Variants in COL21A1 observed in about 807,000 individuals in gnomAD.
The protein encoded by COL21A1 is collagen alpha-1(XXI) chain.
Under a neutral mutation model 137.9 loss-of-function variants are expected in COL21A1, and 149 were observed. The observed-to-expected ratio is 1.08, with a 90% CI of 0.95 to 1.24. The LOEUF is 1.24. Ranked by LOEUF, COL21A1 falls within the 50% of genes most tolerant of loss-of-function variation. The pLI, the probability that COL21A1 is intolerant of heterozygous loss-of-function variation, is 0.00. For missense variants in COL21A1, 1,167 were observed against 1,158.4 expected, an observed-to-expected ratio of 1.01 and a Z score of -0.11; for synonymous variants, 456 against 391.5, an observed-to-expected ratio of 1.16 and a Z score of -1.95.
chr6:56,280,770 T>C (rs149279431), intron 1 of COL21A1, among the ~76,000 whole-genome samples: 394 of 152,212 alleles, frequency 2.6e-3, no homozygotes, highest in South Asian at 4.4e-3. Flanking sequence ...CCTAACACTT[T>C]GGGAGGTCAA....
At chr6:56,101,387 T>C in intron 17 of COL21A1, 85 bp downstream of exon 17, 1 of 1,027,096 alleles carries the variant, frequency 9.7e-7, no homozygotes, top group Non-Finnish European at 1.5e-6. Context: ...ATAGGGCATC[T>C]GAGAGAAGAA....
In COL21A1 at chr6:56,057,747, C is replaced by T. The variant is rs763757346; in HGVS notation, c.2784G>A (p.Gly928=). The change falls in exon 30 of 30, where the codon GGG becomes GGA. Residue 928 remains glycine, a synonymous_variant. Transcript: ENST00000244728. The part of the protein sequence containing the change: ...DGDHGKPGIQ[G]QPGPPGICDP... ...CGCAGATGCCTGGGGGGCCTGGTTG[C>T]CCTTGGATTCCAGGTTTTCCATGGT... 2.5e-6 allele frequency: 4 copies of T among 1,612,120 alleles called. No individual in the cohort carries two copies. Among genetic ancestry groups the T allele is most frequent in the Middle Eastern group, 3.3e-4 (2 of 5,990 alleles).
At chr6:56,365,213 A>G (rs1766069616) in intron 1 of COL21A1, among the ~76,000 whole-genome samples, 1 of 152,164 alleles carries the variant, frequency 6.6e-6, no homozygotes, top group African/African-American at 2.4e-5. Flanking sequence ...ATAGCTATCT[A>G]CACTTGACCA....
chr6:56,130,552 G>T (rs1270386889), intron 12 of COL21A1, among the ~76,000 whole-genome samples: 1 of 151,968 alleles, frequency 6.6e-6, no homozygotes, highest in African/African-American at 2.4e-5. Context: ...CCATTCTCTG[G>T]CTATAGGTTA....
At chr6:56,367,955 C>G (rs1006904055) in intron 1 of COL21A1, among the ~76,000 whole-genome samples, 2 of 152,216 alleles carry the variant, frequency 1.3e-5, no homozygotes, top group African/African-American at 4.8e-5. Flanking sequence ...CTAAAGTGAT[C>G]TGCCCACCTT....
intron 1 of COL21A1, among the ~76,000 whole-genome samples, chr6:56,375,440 C>A (rs538580418): frequency 4.6e-5 from 7 of 152,286 alleles, no homozygotes; most frequent in Non-Finnish European, 2.9e-5. Flanking sequence ...ATTTTCCCTG[C>A]CTCCTTCCTG....
intron 17 of COL21A1, chr6:56,078,098 C>T (rs141018843): frequency 4.4e-6 from 2 of 455,696 alleles, no homozygotes; most frequent in South Asian, 3.1e-5. Context: ...CTTACTGATG[C>T]AATCATGAAG....
chr6:56,350,682 G>A (rs1297489679), intron 1 of COL21A1, among the ~76,000 whole-genome samples: 1 of 152,182 alleles, frequency 6.6e-6, no homozygotes, highest in Non-Finnish European at 1.5e-5. Context: ...AATAGAAGAA[G>A]AAGATATAAG....
At chr6:56,297,507 T>C (rs1764190272) in intron 1 of COL21A1, among the ~76,000 whole-genome samples, 1 of 152,114 alleles carries the variant, frequency 6.6e-6, no homozygotes, top group Non-Finnish European at 1.5e-5. Flanking sequence ...TCTGGCATAT[T>C]GTGAAACAAT....
At chr6:56,075,035 GC>G (rs1767093265) in intron 19 of COL21A1, among the ~76,000 whole-genome samples, 1 of 151,048 alleles carries the variant, frequency 6.6e-6, no homozygotes. Context: ...AGTTTCATAT[GC>G]CATCTTCACT....
rs540054045 is a variant in COL21A1 at position 56,198,118 on chromosome 6, C to T, written c.-38-15462G>A. Among the ~76,000 whole-genome samples, 38 of 151,988 alleles carry T rather than the reference C, an allele frequency of 2.5e-4. No homozygotes were observed. In the East Asian group the frequency reaches 5.8e-3, roughly 23 times the overall value. ...CAGTGAGCTAAGTGAATAAGCCATACGCAGAAAGACAAATACTGCATGATC... is the reference window on the plus strand; with the variant it reads ...CAGTGAGCTAAGTGAATAAGCCATATGCAGAAAGACAAATACTGCATGATC... On this transcript the variant is annotated intron_variant, in intron 1 of 29. Coordinates refer to ENST00000244728, the MANE Select transcript of COL21A1 (RefSeq NM_030820.4).
At position 56,179,702 on chromosome 6, in the gene COL21A1, T is replaced by C; in HGVS notation, c.516A>G (p.Ser172=). 6.2e-7 allele frequency: 1 copy of C among 1,614,036 alleles called. No homozygotes were observed. The highest frequency in any genetic ancestry group is 8.5e-7 in the Non-Finnish European group (1 of 1,179,896). Residue 172 remains serine (S), a synonymous_variant, in exon 3 of 30, where the codon TCA becomes TCG. Coordinates refer to ENST00000244728, the MANE Select transcript of COL21A1 (RefSeq NM_030820.4). The part of the protein sequence containing the change: ...KITLFAIGVG[S]ETEDAELRAI... Reference sequence around the variant, plus strand: ...CTCTAAGTTCGGCATCTTCTGTTTCTGAACCAACACCAATAGCAAATAATG... The same window carrying C: ...CTCTAAGTTCGGCATCTTCTGTTTCCGAACCAACACCAATAGCAAATAATG...
chr6:56,099,335 A>G (rs1770219953), intron 17 of COL21A1, among the ~76,000 whole-genome samples: 1 of 142,814 alleles, frequency 7.0e-6, no homozygotes, highest in African/African-American at 2.6e-5. Flanking sequence ...CCGGTTTCAC[A>G]CCATTCTCCG....
rs543106269 is a variant in COL21A1, at chr6:56,140,405, T to G, written c.1542+1380A>C. ...GAAAGCACATCTAATTTCAATTATC[T>G]TAAGTGGAAATTCCTACTGTAGGAG... On this transcript the variant is annotated intron_variant, in intron 12 of 29. Transcript: ENST00000244728. Among the ~76,000 whole-genome samples the G allele has an allele frequency of 2.0e-5, 3 of 152,304 alleles. No individual in the cohort carries two copies. In the South Asian group the frequency reaches 6.2e-4, roughly 32 times the overall value.
chr6:56,243,031 C>T (rs1469146365), intron 1 of COL21A1, among the ~76,000 whole-genome samples: 1 of 152,166 alleles, frequency 6.6e-6, no homozygotes, highest in African/African-American at 2.4e-5. Context: ...CCACCACTAA[C>T]TCTTCATGAG....
At chr6:56,207,255 G>A (rs952044356) in intron 1 of COL21A1, among the ~76,000 whole-genome samples, 1 of 152,020 alleles carries the variant, frequency 6.6e-6, no homozygotes, top group Non-Finnish European at 1.5e-5. Context: ...CCGGGAGCTG[G>A]TTTTTTGAAA....
chr6:56,090,823 C>T (rs1264562452), intron 17 of COL21A1, among the ~76,000 whole-genome samples: 1 of 151,644 alleles, frequency 6.6e-6, no homozygotes, highest in East Asian at 1.9e-4. Context: ...ACACTAAGAA[C>T]TGCTGTGTGA....
chr6:56,212,297 C>T (rs1780218991), intron 1 of COL21A1, among the ~76,000 whole-genome samples: 1 of 151,876 alleles, frequency 6.6e-6, no homozygotes, highest in Non-Finnish European at 1.5e-5. Context: ...TCTGAGATCA[C>T]CATTGATACA....
At chr6:56,099,572 T>C (rs1340895946) in intron 17 of COL21A1, among the ~76,000 whole-genome samples, 3 of 151,892 alleles carry the variant, frequency 2.0e-5, no homozygotes, top group African/African-American at 7.3e-5. Flanking sequence ...CTCATGTCTA[T>C]TATCTCTTAT....
Sources: gnomAD v4.1 joint callset for allele counts (sites outside exome capture counted in the v4.1 genomes callset) on GRCh38, gnomAD v4.1.1 for gene constraint, MANE v1.5 for transcripts, NCBI Gene and HGNC (gene_info 2026-07-23, HGNC 2026-07-21) for gene names.